Variants in CBX3 observed in about 807,000 individuals in gnomAD.
The protein encoded by CBX3 is chromobox 3.
A neutral mutation model predicts 22.6 loss-of-function variants in CBX3; 5 were observed. The observed-to-expected ratio is 0.22, with a 90% CI of 0.12 to 0.47. CBX3 has a LOEUF of 0.47. Among genes scored for constraint, CBX3 ranks in the 20% least tolerant of loss-of-function variants. CBX3 has a pLI of 0.99. For missense variants in CBX3, 83 were observed against 208.1 expected, an observed-to-expected ratio of 0.40 and a Z score of 3.70; for synonymous variants, 50 against 66.6, an observed-to-expected ratio of 0.75 and a Z score of 1.21.
At chr7:26,207,306 C>T (rs1019169981) in intron 3 of CBX3, among the ~76,000 whole-genome samples, 5 of 152,278 alleles carry the variant, frequency 3.3e-5, no homozygotes, top group East Asian at 1.9e-4. Context: ...GGGAGATTTA[C>T]GTTTGCCTGT....
intron 4 of CBX3, among the ~76,000 whole-genome samples, chr7:26,211,385 A>G (rs1784800501): frequency 6.6e-6 from 1 of 152,206 alleles, no homozygotes; most frequent in Non-Finnish European, 1.5e-5. Context: ...GTTTTTCTGT[A>G]TGCCCACACA....
intron 3 of CBX3, among the ~76,000 whole-genome samples, chr7:26,207,663 C>T (rs1476061489): frequency 1.3e-5 from 2 of 151,914 alleles, no homozygotes; most frequent in East Asian, 2.0e-4. Context: ...GGACTACAGG[C>T]GCCTGCCACT....
intron 2 of CBX3, 123 bp from the exon 3 acceptor site, chr7:26,206,245 T>TCGGTGGTC: frequency 1.6e-6 from 1 of 621,362 alleles, no homozygotes. Context: ...AGAAGGTGTC[T>TCGGTGGTC]GCCCTGGGAT....
intron 5 of CBX3, 103 bp downstream of exon 5, chr7:26,211,859 G>C: frequency 1.1e-6 from 1 of 934,766 alleles, no homozygotes; most frequent in South Asian, 1.8e-5. Context: ...TATCTGCTGA[G>C]AGGATGATTC....
In CBX3 at chr7:26,203,018, C is replaced by T. The variant is rs553106002; in HGVS notation, c.20C>T (p.Thr7Ile). The change falls in exon 2 of 6, where the codon ACA becomes ATA. Residue 7 changes from threonine to isoleucine, a missense_variant. Physicochemically the swap from Thr to Ile is moderately conservative, Grantham distance 89. Transcript: ENST00000396386. Reference sequence around the variant, plus strand: ...TAAAAAATGGCCTCCAACAAAACTACATTGGTAAGTTAATGAAAACCTAAA... The same window carrying T: ...TAAAAAATGGCCTCCAACAAAACTATATTGGTAAGTTAATGAAAACCTAAA... MASNKT[T>I]LQKMGKKQNG... The T allele has an allele frequency of 2.0e-5, 32 of 1,607,442 alleles. 1 individual carries two copies. The South Asian group carries it at 3.4e-4, about 17-fold the overall frequency.
chr7:26,204,937 G>A (rs1784640643), intron 2 of CBX3, among the ~76,000 whole-genome samples: 1 of 152,088 alleles, frequency 6.6e-6, no homozygotes, highest in Non-Finnish European at 1.5e-5. Context: ...TTACAGGCAT[G>A]CACCACTATG....
At chr7:26,204,056 GAT>G (rs1439764392) in intron 2 of CBX3, among the ~76,000 whole-genome samples, 2 of 152,178 alleles carry the variant, frequency 1.3e-5, no homozygotes, top group Non-Finnish European at 2.9e-5. Flanking sequence ...AGTGTTGTGA[GAT>G]ATGTGTGCTG....
intron 5 of CBX3, 99 bp from the exon 6 acceptor site, chr7:26,211,983 C>G: frequency 1.8e-6 from 2 of 1,135,148 alleles, no homozygotes; most frequent in Non-Finnish European, 2.4e-6. Flanking sequence ...TGGAGCACTT[C>G]AATACCTTTT....
At chr7:26,206,229 C>T in intron 2 of CBX3, 139 bp from the exon 3 acceptor site, 2 of 586,330 alleles carry the variant, frequency 3.4e-6, no homozygotes, top group South Asian at 2.3e-5. Context: ...GACTTTTAAT[C>T]TTTCCAGAAG....
chr7:26,204,807 G>T (rs148042933), intron 2 of CBX3, among the ~76,000 whole-genome samples: 1 of 151,938 alleles, frequency 6.6e-6, no homozygotes, highest in African/African-American at 2.4e-5. Context: ...GTGTTTTTTT[G>T]AGACAGAGTT....
rs1268935110 is a variant in CBX3 at position 26,212,319 on chromosome 7, G to C, written c.*111G>C. The C allele has an allele frequency of 2.8e-6, 2 of 704,470 alleles. No homozygotes were observed. Among genetic ancestry groups the C allele is most frequent in the South Asian group, 1.5e-4 (2 of 13,438 alleles). 43.6% of individuals were successfully genotyped at this position (704,470 alleles called of 1,614,324 possible). On this transcript the variant is annotated 3_prime_UTR_variant, in exon 6 of 6. Coordinates refer to ENST00000396386, the MANE Select transcript of CBX3 (RefSeq NM_016587.4). ...CTACATCCTAATGAAAATCAAGTTT[G>C]ATATGTTTGTTTTGAAAGTAGCGTT...
intron 2 of CBX3, 83 bp from the exon 3 acceptor site, chr7:26,206,285 T>C: frequency 1.2e-6 from 1 of 855,088 alleles, no homozygotes. Context: ...TCGAATGTGA[T>C]AATAATATAA....
intron 3 of CBX3, among the ~76,000 whole-genome samples, chr7:26,207,472 A>T (rs2128137645): frequency 6.6e-6 from 1 of 152,270 alleles, no homozygotes; most frequent in East Asian, 1.9e-4. Flanking sequence ...CACTAGCATG[A>T]TTATAGCGTA....
At chr7:26,211,261 G>A (rs547168397) in intron 4 of CBX3, among the ~76,000 whole-genome samples, 34 of 152,140 alleles carry the variant, frequency 2.2e-4, no homozygotes, top group African/African-American at 7.2e-4. Flanking sequence ...ATTTCTTACC[G>A]TTTGTGTTTT....
chr7:26,207,771 G>A (rs960501254), intron 3 of CBX3, among the ~76,000 whole-genome samples: 4 of 152,008 alleles, frequency 2.6e-5, no homozygotes, highest in African/African-American at 9.7e-5. Flanking sequence ...ACCTGCCTTG[G>A]CCTCCCAAAG....
In CBX3 at chr7:26,207,808, G is replaced by A. The variant is rs984805152; in HGVS notation, c.168-585G>A. ...GCTGGGATTACAGGTGTGAGCCACCGTGCCAGGCCAAAGAAGACTTTAATG... is the reference window on the plus strand; with the variant it reads ...GCTGGGATTACAGGTGTGAGCCACCATGCCAGGCCAAAGAAGACTTTAATG... On this transcript the variant is annotated intron_variant, in intron 3 of 5. Transcript: ENST00000396386. 3.2e-4 allele frequency among the ~76,000 whole-genome samples: 49 copies of A among 152,062 alleles called. 1 individual carries two copies. The highest frequency in any genetic ancestry group is 2.9e-3 in the Admixed American group (45 of 15,292).
chr7:26,205,413 T>A (rs576362182), intron 2 of CBX3, among the ~76,000 whole-genome samples: 5 of 152,208 alleles, frequency 3.3e-5, no homozygotes, highest in Non-Finnish European at 5.9e-5. Flanking sequence ...AATGTTGGTC[T>A]CTTGAAGTGA....
At chr7:26,202,181 C>T (rs1243277620) in intron 1 of CBX3, 3 of 151,924 alleles carry the variant, frequency 2.0e-5, no homozygotes, top group African/African-American at 4.8e-5. Flanking sequence ...CTTGGGCCTC[C>T]CGGAGGGCGG....
intron 1 of CBX3, 182 bp downstream of exon 1, chr7:26,202,008 G>T (rs1444150183): frequency 6.6e-6 from 1 of 151,998 alleles, no homozygotes; most frequent in Non-Finnish European, 1.5e-5. Flanking sequence ...CGCGCGGCCA[G>T]CGCCGGTAGT....
Sources: gnomAD v4.1 joint callset for allele counts (sites outside exome capture counted in the v4.1 genomes callset) on GRCh38, gnomAD v4.1.1 for gene constraint, MANE v1.5 for transcripts, NCBI Gene and HGNC (gene_info 2026-07-23, HGNC 2026-07-21) for gene names.